The following EFCAB5 variants were observed in gnomAD, a reference collection of about 807,000 sequenced individuals.
The protein encoded by EFCAB5 is EF-hand calcium binding domain 5.
Under a neutral mutation model 167.9 loss-of-function variants are expected in EFCAB5, and 131 were observed. The ratio of observed to expected loss-of-function variants is 0.78; its 90% CI spans 0.68 to 0.90. The LOEUF (loss-of-function observed/expected upper bound fraction) is 0.90. Ranked by LOEUF, EFCAB5 falls within the 40% of genes least tolerant of loss-of-function variation. The pLI, the probability that EFCAB5 is intolerant of heterozygous loss-of-function variation, is 0.00. For missense variants in EFCAB5, 1,663 were observed against 1,745.2 expected, an observed-to-expected ratio of 0.95 and a Z score of 0.84; for synonymous variants, 574 against 602.8, an observed-to-expected ratio of 0.95 and a Z score of 0.70.
chr17:30,029,317 T>A (rs528555788), intron 7 of EFCAB5, among the ~76,000 whole-genome samples: 1 of 152,342 alleles, frequency 6.6e-6, no homozygotes, highest in Non-Finnish European at 1.5e-5. Flanking sequence ...CCATCTTAAA[T>A]GTGCTCAGAA....
chr17:30,079,752 T>C (rs1399417869), intron 15 of EFCAB5, among the ~76,000 whole-genome samples: 1 of 152,174 alleles, frequency 6.6e-6, no homozygotes, highest in African/African-American at 2.4e-5. Context: ...ACACAGACAG[T>C]TGACCATAGG....
chr17:30,099,615 G>A (rs2071353521), intron 22 of EFCAB5, among the ~76,000 whole-genome samples: 1 of 152,120 alleles, frequency 6.6e-6, no homozygotes, highest in African/African-American at 2.4e-5. Context: ...GATACTGGCT[G>A]GGCTTTTTCA....
At chr17:30,031,584 T>C (rs1738561112) in intron 7 of EFCAB5, among the ~76,000 whole-genome samples, 1 of 152,180 alleles carries the variant, frequency 6.6e-6, no homozygotes, top group Non-Finnish European at 1.5e-5. Context: ...ACTACTGTGA[T>C]ACCCATTTCA....
intron 7 of EFCAB5, among the ~76,000 whole-genome samples, chr17:30,011,603 G>T (rs1019490996): frequency 3.9e-5 from 6 of 152,130 alleles, no homozygotes; most frequent in South Asian, 2.1e-4. Context: ...TTGGCTCTCT[G>T]TTTGTCTGTT....
chr17:29,985,671 T>G (rs1271267304), intron 4 of EFCAB5, among the ~76,000 whole-genome samples: 1 of 152,206 alleles, frequency 6.6e-6, no homozygotes, highest in East Asian at 1.9e-4. Flanking sequence ...AACATGTCCT[T>G]AAGGCACAGA....
intron 7 of EFCAB5, 58 bp from the exon 8 acceptor site, chr17:30,034,172 A>C: frequency 6.4e-7 from 1 of 1,573,052 alleles, no homozygotes; most frequent in Non-Finnish European, 8.6e-7. Flanking sequence ...TCCTGGGGAA[A>C]ATCCAAGTAG....
At chr17:29,951,851 T>C (rs2067519874) in intron 3 of EFCAB5, among the ~76,000 whole-genome samples, 1 of 152,210 alleles carries the variant, frequency 6.6e-6, no homozygotes, top group South Asian at 2.1e-4. Flanking sequence ...ACCACTGCTC[T>C]ACAGTAGGAA....
chr17:30,096,263 T>C (rs372091393), intron 22 of EFCAB5, among the ~76,000 whole-genome samples: 3 of 152,232 alleles, frequency 2.0e-5, no homozygotes, highest in Admixed American at 1.3e-4. Context: ...TTATCACTTC[T>C]TGTGATTTAA....
chr17:30,055,754 C>G (rs2070243890), intron 10 of EFCAB5, 134 bp from the exon 11 acceptor site: 2 of 839,526 alleles, frequency 2.4e-6, no homozygotes, highest in South Asian at 3.7e-5. Flanking sequence ...TCGATTGCAA[C>G]ACTGCATATA....
chr17:30,069,439 G>T (rs1243911674), intron 14 of EFCAB5: 2 of 1,550,336 alleles, frequency 1.3e-6, no homozygotes, highest in Middle Eastern at 1.7e-4. Context: ...AGATATTCAC[G>T]GAAAAGGTTT....
At chr17:30,005,773 C>T (rs1280035563) in intron 7 of EFCAB5, among the ~76,000 whole-genome samples, 1 of 152,116 alleles carries the variant, frequency 6.6e-6, no homozygotes, top group Non-Finnish European at 1.5e-5. Context: ...ACTGACAAAA[C>T]AGACTCTTTT....
intron 3 of EFCAB5, among the ~76,000 whole-genome samples, chr17:29,953,847 G>A (rs183680238): frequency 2.0e-5 from 3 of 152,348 alleles, no homozygotes; most frequent in East Asian, 1.9e-4. Flanking sequence ...TTGTTGAACG[G>A]CTTTGGCCAA....
intron 7 of EFCAB5, among the ~76,000 whole-genome samples, chr17:30,006,679 T>G (rs2068779971): frequency 6.6e-6 from 1 of 152,226 alleles, no homozygotes; most frequent in South Asian, 2.1e-4. Context: ...AGACAGAGTC[T>G]CACTCTATCA....
At position 30,088,149 on chromosome 17, in the gene EFCAB5, TTC is replaced by T. The variant is rs1277743809; in HGVS notation, c.3683+986_3683+987del. Among the ~76,000 whole-genome samples, 7 of 152,290 alleles carry T rather than the reference TTC, an allele frequency of 4.6e-5. No individual in the cohort carries two copies. The East Asian group carries it at 1.4e-3, about 29-fold the overall frequency. On this transcript the variant is annotated intron_variant, in intron 19 of 22. Transcript: ENST00000394835. ...AAATCCTTTTTTCTTGAGAGATGAG[TTC>T]TCACTGTGTCACCCAGGTGGGAGTG...
intron 7 of EFCAB5, among the ~76,000 whole-genome samples, chr17:30,028,541 G>A (rs544617889): frequency 1.3e-5 from 2 of 152,118 alleles, no homozygotes; most frequent in African/African-American, 2.4e-5. Flanking sequence ...ATTTTAAGCC[G>A]GGAAAATAGG....
chr17:29,975,131 G>C (rs2068038722), intron 4 of EFCAB5, among the ~76,000 whole-genome samples: 2 of 151,994 alleles, frequency 1.3e-5, no homozygotes, highest in Non-Finnish European at 2.9e-5. Flanking sequence ...CAGTCAGTGG[G>C]CCAGATTTAG....
At chr17:30,075,920 G>A (rs7217567) in intron 14 of EFCAB5, among the ~76,000 whole-genome samples, 586 of 152,356 alleles carry the variant, frequency 3.8e-3, no homozygotes, top group African/African-American at 0.013. Flanking sequence ...AATGGAAGAT[G>A]AAGAATCCAC....
intron 9 of EFCAB5, among the ~76,000 whole-genome samples, chr17:30,052,251 GC>G (rs1484326900): frequency 1.3e-5 from 2 of 152,102 alleles, no homozygotes; most frequent in East Asian, 3.9e-4. Flanking sequence ...TGCAACTTCT[GC>G]CTCCCAGGTT....
rs746629396 is a variant in EFCAB5, at chr17:30,034,245, A to T, written c.1060A>T (p.Ile354Phe). The change falls in exon 8 of 23, where the codon ATT (isoleucine) becomes TTT (phenylalanine). Residue 354 changes from isoleucine to phenylalanine, a missense_variant. Transcript: ENST00000394835. ...TCCCCTGTAGTACATCTCTTCACATATTAAAGACTTGAAGAGTGAAATGTT... is the reference window on the plus strand; with the variant it reads ...TCCCCTGTAGTACATCTCTTCACATTTTAAAGACTTGAAGAGTGAAATGTT... Reference protein sequence around the residue: ...MEFTEYISSHIKDLKSEMFEE... With the variant: ...MEFTEYISSHFKDLKSEMFEE... 2 of 1,613,774 alleles carry T rather than the reference A, an allele frequency of 1.2e-6. No homozygotes were observed. Among genetic ancestry groups the T allele is most frequent in the African/African-American group, 2.7e-5 (2 of 74,914 alleles).
Sources: allele counts gnomAD v4.1 joint callset (sites outside exome capture counted in the v4.1 genomes callset), GRCh38; gene constraint gnomAD v4.1.1; transcripts MANE v1.5; gene names NCBI Gene and HGNC (gene_info 2026-07-23, HGNC 2026-07-21).